Variants in ATP8A2 observed in about 807,000 individuals in gnomAD.
ATP8A2 encodes the protein phospholipid-transporting ATPase IB.
Under a neutral mutation model 165.6 loss-of-function variants are expected in ATP8A2, and 100 were observed. The observed-to-expected ratio is 0.60, with a 90% CI of 0.51 to 0.71. The LOEUF is 0.71. ATP8A2 is among the 30% of genes least tolerant of loss of function. The pLI is 0.00. For missense variants in ATP8A2, 1,227 were observed against 1,479.5 expected (o/e 0.83, Z 2.80); for synonymous variants, 543 against 548.8 (o/e 0.99, Z 0.15).
At chr13:25,583,727 C>T (rs114660288) in intron 23 of ATP8A2, among the ~76,000 whole-genome samples, 1,651 of 152,252 alleles carry the variant, frequency 0.011, 31 homozygotes, top group African/African-American at 0.037. Flanking sequence ...TACTCAAAAA[C>T]GAAAGTTTTA....
intron 27 of ATP8A2, among the ~76,000 whole-genome samples, chr13:25,791,536 C>CAT (rs2045174829): frequency 1.7e-5 from 2 of 114,678 alleles, no homozygotes; most frequent in Non-Finnish European, 3.6e-5. Context: ...TAAACACACA[C>CAT]ACACATACAC....
chr13:25,574,262 G>A (rs1026528528), intron 18 of ATP8A2, among the ~76,000 whole-genome samples: 15 of 152,120 alleles, frequency 9.9e-5, no homozygotes, highest in Non-Finnish European at 1.5e-4. Flanking sequence ...CTGCAAATTC[G>A]AAACCCAAAT....
chr13:25,434,777 A>C lies in ATP8A2; in HGVS notation c.77-34200A>C, dbSNP rs2138166957. ...ATGACTTGTCTCTCACTCTTTTTTC[A>C]TTTTTGCACCACATGCTATAAGAGG... is the stretch of plus-strand genomic sequence containing the variant. On this transcript the variant is annotated intron_variant, in intron 1 of 36. Transcript: ENST00000381655. Among the ~76,000 whole-genome samples, 2 of 151,910 alleles carry C rather than the reference A, an allele frequency of 1.3e-5. 1 individual carries two copies. The highest frequency in any genetic ancestry group is 6.8e-3 in the Middle Eastern group (2 of 294).
intron 22 of ATP8A2, 105 bp from the exon 23 acceptor site, chr13:25,581,714 G>T: frequency 9.0e-7 from 1 of 1,105,846 alleles, no homozygotes; most frequent in Non-Finnish European, 1.4e-6. Context: ...AGAGGAAATA[G>T]AACAACTGTC....
intron 9 of ATP8A2, 82 bp from the exon 10 acceptor site, chr13:25,543,209 A>T: frequency 1.2e-6 from 1 of 816,992 alleles, no homozygotes. Context: ...CATTTGATTT[A>T]TTGTGGGTTC....
chr13:25,505,748 C>A (rs780377695), intron 2 of ATP8A2, among the ~76,000 whole-genome samples: 39 of 152,222 alleles, frequency 2.6e-4, no homozygotes, highest in Admixed American at 6.5e-4. Context: ...CTCTACATAA[C>A]TTATTATTAT....
At chr13:25,699,123 T>G in intron 24 of ATP8A2, 50 bp from the exon 25 acceptor site, 2 of 1,384,314 alleles carry the variant, frequency 1.4e-6, no homozygotes, top group Non-Finnish European at 1.9e-6. Flanking sequence ...ATTTTGTTTT[T>G]GATATTAAAC....
At chr13:25,503,043 G>A (rs61948579) in intron 2 of ATP8A2, among the ~76,000 whole-genome samples, 10,228 of 152,200 alleles carry the variant, frequency 0.067, 466 homozygotes, top group African/African-American at 0.11. Context: ...GTGTCCAAGC[G>A]GGGGCAGAAT....
At chr13:25,412,716 T>G (rs971517400) in intron 1 of ATP8A2, among the ~76,000 whole-genome samples, 3 of 152,188 alleles carry the variant, frequency 2.0e-5, no homozygotes, top group African/African-American at 4.8e-5. Context: ...CATAGATTCA[T>G]CACAGAGCAG....
chr13:25,853,415 A>G (rs1161104934), intron 30 of ATP8A2, among the ~76,000 whole-genome samples: 1 of 146,350 alleles, frequency 6.8e-6, no homozygotes, highest in African/African-American at 2.5e-5. Flanking sequence ...ATATATGTAT[A>G]TATATATAGA....
At chr13:25,475,258 G>A (rs2035961560) in intron 2 of ATP8A2, among the ~76,000 whole-genome samples, 1 of 152,134 alleles carries the variant, frequency 6.6e-6, no homozygotes, top group South Asian at 2.1e-4. Context: ...TCTTGTAAGT[G>A]AGAATATGCG....
chr13:25,714,686 C>T (rs1411620192), intron 25 of ATP8A2, among the ~76,000 whole-genome samples: 2 of 152,180 alleles, frequency 1.3e-5, no homozygotes, highest in Admixed American at 6.5e-5. Flanking sequence ...GCAGCCTACT[C>T]CCTTCTCATG....
intron 1 of ATP8A2, among the ~76,000 whole-genome samples, chr13:25,377,884 C>T (rs1490499898): frequency 6.6e-6 from 1 of 151,996 alleles, no homozygotes; most frequent in Non-Finnish European, 1.5e-5. Context: ...TTTGGGAGGC[C>T]CAGGTGGGAG....
chr13:25,540,237 G>T, intron 7 of ATP8A2, 82 bp from the exon 8 acceptor site: 3 of 1,031,210 alleles, frequency 2.9e-6, no homozygotes, highest in Non-Finnish European at 4.6e-6. Flanking sequence ...AGCAGACACA[G>T]ATTCCATAAT....
chr13:25,705,981 G>A (rs2043047803), intron 25 of ATP8A2, among the ~76,000 whole-genome samples: 1 of 152,204 alleles, frequency 6.6e-6, no homozygotes, highest in Non-Finnish European at 1.5e-5. Flanking sequence ...TACATGAATA[G>A]TTGCAAAGAC....
At chr13:25,917,468 G>A (rs75472069) in intron 33 of ATP8A2, among the ~76,000 whole-genome samples, 1,817 of 152,290 alleles carry the variant, frequency 0.012, 39 homozygotes, top group African/African-American at 0.041. Flanking sequence ...ACCCTGAAGG[G>A]GTTTTTATAG....
chr13:25,564,493 C>T (rs1350139667), intron 16 of ATP8A2, among the ~76,000 whole-genome samples: 1 of 152,108 alleles, frequency 6.6e-6, no homozygotes, highest in Non-Finnish European at 1.5e-5. Flanking sequence ...ACACTTTAGT[C>T]AACATTTGAA....
At chr13:25,723,126 T>C (rs1056616867) in intron 25 of ATP8A2, among the ~76,000 whole-genome samples, 1 of 152,242 alleles carries the variant, frequency 6.6e-6, no homozygotes, top group African/African-American at 2.4e-5. Context: ...GTGTTACATA[T>C]GATGTGGCTA....
At chr13:25,723,982 G>A (rs1021514032) in intron 25 of ATP8A2, among the ~76,000 whole-genome samples, 3 of 152,186 alleles carry the variant, frequency 2.0e-5, no homozygotes, top group African/African-American at 7.2e-5. Flanking sequence ...TGGCCAGGAA[G>A]TAGGTAACCT....
Sources: gnomAD v4.1 joint callset for allele counts (sites outside exome capture counted in the v4.1 genomes callset) on GRCh38, gnomAD v4.1.1 for gene constraint, MANE v1.5 for transcripts, NCBI Gene and HGNC (gene_info 2026-07-23, HGNC 2026-07-21) for gene names.